The following SUCLG2 variants were observed in gnomAD, a reference collection of about 807,000 sequenced individuals.
SUCLG2 encodes the protein succinate-CoA ligase GDP-forming subunit beta.
Under a neutral mutation model 47.9 loss-of-function variants are expected in SUCLG2, and 42 were observed. The observed-to-expected ratio is 0.88, with a 90% confidence interval of 0.69 to 1.14. The LOEUF is 1.14. SUCLG2 is among the 50% of genes most tolerant of loss of function. The pLI is 0.00. For missense variants in SUCLG2, 571 were observed against 525.9 expected, an observed-to-expected ratio of 1.09 and a Z score of -0.84; for synonymous variants, 195 against 197.3, an observed-to-expected ratio of 0.99 and a Z score of 0.10.
intron 1 of SUCLG2, among the ~76,000 whole-genome samples, chr3:67,630,584 A>G (rs1700908552): frequency 6.6e-6 from 1 of 152,266 alleles, no homozygotes; most frequent in Non-Finnish European, 1.5e-5. Flanking sequence ...GTATAAAGAT[A>G]GATGGCAAAA....
At chr3:67,493,869 T>C (rs1195235652) in intron 9 of SUCLG2, among the ~76,000 whole-genome samples, 1 of 152,260 alleles carries the variant, frequency 6.6e-6, no homozygotes, top group South Asian at 2.1e-4. Flanking sequence ...TAGGTGTTTC[T>C]ACCTAACCAA....
At chr3:67,615,637 C>T (rs955913374) in intron 1 of SUCLG2, among the ~76,000 whole-genome samples, 2 of 151,750 alleles carry the variant, frequency 1.3e-5, no homozygotes, top group African/African-American at 2.4e-5. Flanking sequence ...CACACACACA[C>T]ACACACACAC....
chr3:67,526,627 G>A (rs938085077), intron 4 of SUCLG2, among the ~76,000 whole-genome samples: 1 of 152,128 alleles, frequency 6.6e-6, no homozygotes, highest in Non-Finnish European at 1.5e-5. Flanking sequence ...TTAGGGAAAT[G>A]CAAATTAAAA....
intron 2 of SUCLG2, among the ~76,000 whole-genome samples, chr3:67,588,427 G>A (rs1395252369): frequency 6.6e-6 from 1 of 152,120 alleles, no homozygotes; most frequent in Non-Finnish European, 1.5e-5. Context: ...GTTTCTTCCT[G>A]TTACTCCTTT....
Position 67,609,457 on chromosome 3 carries a change from A to G in SUCLG2, c.224T>C (p.Leu75Pro). The G allele has an allele frequency of 6.2e-7, 1 of 1,611,390 alleles. No homozygotes were observed. The highest frequency in any genetic ancestry group is 8.5e-7 in the Non-Finnish European group (1 of 1,179,380). The change falls in exon 2 of 11, where the codon CTA becomes CCA. Residue 75 changes from leucine (L) to proline (P), a missense_variant and splice_region_variant. By Grantham distance (98) the Leu-to-Pro change is moderately conservative. Transcript: ENST00000307227. ...ANEALEAAKR[L>P]NAKEIVLKAQ... ...TCACCCATTATGAATCAGCTTACTT[A>G]GTCTCTTAGCAGCCTCGAGAGCTTC...
intron 10 of SUCLG2, among the ~76,000 whole-genome samples, chr3:67,400,013 AAAAC>A (rs746994318): frequency 2.0e-4 from 31 of 151,630 alleles, no homozygotes; most frequent in Middle Eastern, 6.9e-3. Context: ...ACCCTGTCTC[AAAAC>A]AAACAAACTA....
intron 2 of SUCLG2, among the ~76,000 whole-genome samples, chr3:67,570,194 T>C (rs987395934): frequency 2.0e-5 from 3 of 152,202 alleles, no homozygotes; most frequent in African/African-American, 7.2e-5. Context: ...GATCTTGGAC[T>C]TCTAGCTTTC....
intron 9 of SUCLG2, among the ~76,000 whole-genome samples, chr3:67,480,349 G>A (rs950164241): frequency 2.0e-4 from 31 of 152,230 alleles, no homozygotes; most frequent in Admixed American, 2.0e-3. Context: ...TAGAAGGCTT[G>A]TTAAAACTCA....
At chr3:67,464,072 C>A (rs1285016600) in intron 9 of SUCLG2, among the ~76,000 whole-genome samples, 1 of 152,232 alleles carries the variant, frequency 6.6e-6, no homozygotes, top group Non-Finnish European at 1.5e-5. Flanking sequence ...GAACATTTAA[C>A]CTCTGGATTT....
chr3:67,514,744 A>T (rs1357814869), intron 6 of SUCLG2, among the ~76,000 whole-genome samples: 1 of 152,220 alleles, frequency 6.6e-6, no homozygotes, highest in Non-Finnish European at 1.5e-5. Context: ...GGACAAAATT[A>T]TGGAATAAGA....
At chr3:67,566,106 G>A (rs1047910844) in intron 2 of SUCLG2, among the ~76,000 whole-genome samples, 2 of 152,160 alleles carry the variant, frequency 1.3e-5, no homozygotes, top group African/African-American at 4.8e-5. Context: ...TGCATTCAAC[G>A]ACAAGCACTT....
intron 1 of SUCLG2, among the ~76,000 whole-genome samples, chr3:67,636,395 C>G (rs1187422098): frequency 6.6e-6 from 1 of 151,524 alleles, no homozygotes. Context: ...CTCTGTCACC[C>G]AGACTGGAGT....
intron 9 of SUCLG2, among the ~76,000 whole-genome samples, chr3:67,467,641 A>G (rs1575716136): frequency 6.6e-6 from 1 of 152,374 alleles, no homozygotes; most frequent in East Asian, 1.9e-4. Flanking sequence ...CTAATAAATG[A>G]CTACCAGATC....
At chr3:67,566,299 G>A (rs371778790) in intron 2 of SUCLG2, among the ~76,000 whole-genome samples, 2 of 152,158 alleles carry the variant, frequency 1.3e-5, no homozygotes, top group Non-Finnish European at 2.9e-5. Context: ...GGTTAAGTAC[G>A]TTTTAATTCA....
At chr3:67,556,713 C>A (rs935333287) in intron 2 of SUCLG2, among the ~76,000 whole-genome samples, 14 of 152,148 alleles carry the variant, frequency 9.2e-5, no homozygotes, top group Non-Finnish European at 2.1e-4. Context: ...TATCTCCTTC[C>A]CACTAGCCCA....
chr3:67,561,483 C>T (rs1414602648), intron 2 of SUCLG2, among the ~76,000 whole-genome samples: 3 of 152,124 alleles, frequency 2.0e-5, no homozygotes, highest in African/African-American at 7.2e-5. Context: ...AAAATAATAA[C>T]AAAAAGCTTA....
intron 1 of SUCLG2, among the ~76,000 whole-genome samples, chr3:67,650,950 A>G (rs938732233): frequency 1.5e-4 from 23 of 152,128 alleles, no homozygotes; most frequent in African/African-American, 5.6e-4. Context: ...GTATGTACTC[A>G]TATCTTGCCC....
At chr3:67,460,220 G>T (rs1704298519) in intron 9 of SUCLG2, among the ~76,000 whole-genome samples, 3 of 152,160 alleles carry the variant, frequency 2.0e-5, no homozygotes, top group Admixed American at 2.0e-4. Context: ...TAGTAGAAGT[G>T]TAGCTAAGAA....
chr3:67,494,251 G>C (rs1296470120), intron 9 of SUCLG2, among the ~76,000 whole-genome samples: 1 of 152,068 alleles, frequency 6.6e-6, no homozygotes, highest in African/African-American at 2.4e-5. Context: ...CATTCTCTTA[G>C]TAACAATTCA....
Sources: allele counts gnomAD v4.1 joint callset (sites outside exome capture counted in the v4.1 genomes callset), GRCh38; gene constraint gnomAD v4.1.1; transcripts MANE v1.5; gene names NCBI Gene and HGNC (gene_info 2026-07-23, HGNC 2026-07-21).